PLAAT3: variants seen among roughly 807,000 people sequenced by gnomAD.
PLAAT3 encodes the protein Ca-independent phospholipase A1/2.
Under a neutral mutation model 16.7 loss-of-function variants are expected in PLAAT3, and 21 were observed. That is an observed-to-expected ratio of 1.26 (90% CI 0.89 to 1.81). The LOEUF (loss-of-function observed/expected upper bound fraction) is 1.81, where lower values mean the gene tolerates loss of function less well. Ranked by LOEUF, PLAAT3 falls within the 40% of genes most tolerant of loss-of-function variation. The probability of loss-of-function intolerance (pLI) is 0.00; values close to 1 mark genes in which losing one functional copy is unlikely to be tolerated. For synonymous variants in PLAAT3, 76 were observed against 81.7 expected, an observed-to-expected ratio of 0.93 and a Z score of 0.38; for missense variants, 219 against 213.7, an observed-to-expected ratio of 1.02 and a Z score of -0.16.
In PLAAT3 at chr11:63,614,059, G is replaced by A; in HGVS notation, c.-45C>T. The A allele has an allele frequency of 1.9e-6, 3 of 1,613,480 alleles. No individual in the cohort carries two copies. Among genetic ancestry groups the A allele is most frequent in the Non-Finnish European group, 2.5e-6 (3 of 1,179,576 alleles). ...CCTCAAGGCCAGGCTCGATTTCGCT[G>A]CGTAGATGTCTGAGGCAGGGGGAGC... On this transcript the variant is annotated 5_prime_UTR_variant, in exon 2 of 5. Coordinates refer to ENST00000415826, the MANE Select transcript of PLAAT3 (RefSeq NM_001128203.2).
intron 4 of PLAAT3, among the ~76,000 whole-genome samples, chr11:63,587,664 C>T (rs1938019746): frequency 6.6e-6 from 1 of 151,080 alleles, no homozygotes; most frequent in Non-Finnish European, 1.5e-5. Context: ...AAGCAATTCT[C>T]GTGCCTCAGC....
intron 2 of PLAAT3, among the ~76,000 whole-genome samples, chr11:63,603,747 CACACACAG>C (rs756144305): frequency 0.24 from 17,750 of 74,116 alleles, 1,271 homozygotes; most frequent in Middle Eastern, 0.26. Flanking sequence ...CACACACACA[CACACACAG>C]ACAGAGATAT....
Position 63,614,243 on chromosome 11 carries a change from C to A in PLAAT3, c.-55+142G>T, listed in dbSNP as rs1938773332. On this transcript the variant is annotated intron_variant, in intron 1 of 4. Transcript: ENST00000415826. ...CGGGGCCCGGCGGGCGCCCAGGAGG[C>A]TGCAGGTGCCAGCGGGCGGCTCGGC... The A allele has an allele frequency of 6.7e-6, 4 of 594,056 alleles. No individual in the cohort carries two copies. The South Asian group carries it at 8.1e-5, about 12-fold the overall frequency. The allele number at this position is 594,056 out of a possible 1,614,324, so 36.8% of individuals were successfully genotyped here. A position where few individuals can be genotyped will look rare whatever the true frequency, so the allele number is the denominator to read the frequency against.
intron 4 of PLAAT3, among the ~76,000 whole-genome samples, chr11:63,580,394 G>A (rs1313043178): frequency 1.3e-5 from 2 of 152,208 alleles, no homozygotes; most frequent in African/African-American, 2.4e-5. Flanking sequence ...GGTGGCTCAC[G>A]CCTGTAATCC....
intron 2 of PLAAT3, chr11:63,598,865 T>C: frequency 4.9e-6 from 2 of 407,188 alleles, no homozygotes; most frequent in South Asian, 3.6e-5. Context: ...TGAGTGAGTA[T>C]GTGTGTGAGG....
upstream of PLAAT3, among the ~76,000 whole-genome samples, chr11:63,615,432 A>G (rs543410957): frequency 0.013 from 1,895 of 147,922 alleles, 417 homozygotes; most frequent in African/African-American, 0.046. Context: ...GTGTGTGTGT[A>G]TATACACACC....
intron 3 of PLAAT3, among the ~76,000 whole-genome samples, chr11:63,590,740 C>A (rs894833210): frequency 6.6e-6 from 1 of 152,206 alleles, no homozygotes; most frequent in African/African-American, 2.4e-5. Flanking sequence ...CAGGGCTACA[C>A]CTACTTGACC....
At chr11:63,588,960 G>A (rs1462607896) in intron 4 of PLAAT3, among the ~76,000 whole-genome samples, 1 of 127,828 alleles carries the variant, frequency 7.8e-6, no homozygotes, top group Non-Finnish European at 1.6e-5. Context: ...AGGGGACCAG[G>A]CAATGGATGA....
intron 2 of PLAAT3, among the ~76,000 whole-genome samples, chr11:63,612,802 CTCATGATTACATATATAAGGTTTTTACTG>C (rs1938725470): frequency 1.3e-5 from 2 of 151,936 alleles, no homozygotes; most frequent in Non-Finnish European, 2.9e-5. Context: ...TTTTTTTACT[CTCATGATTACATATATAAGGTTTTTACTG>C]TCATGATTAC....
At chr11:63,600,523 G>C (rs1938397110) in intron 2 of PLAAT3, among the ~76,000 whole-genome samples, 1 of 152,132 alleles carries the variant, frequency 6.6e-6, no homozygotes, top group South Asian at 2.1e-4. Flanking sequence ...ACTAGCAAGA[G>C]GCGTGAGGGA....
chr11:63,582,644 T>A (rs1015975839), intron 4 of PLAAT3, among the ~76,000 whole-genome samples: 5 of 152,130 alleles, frequency 3.3e-5, no homozygotes, highest in Admixed American at 2.6e-4. Context: ...TCATCATGAG[T>A]TCTGGCTGCT....
At chr11:63,615,172 G>GTATATATGTGTATATGTGTA (rs1407082578), upstream of PLAAT3, among the ~76,000 whole-genome samples, 2 of 18,312 alleles carry the variant, frequency 1.1e-4, no homozygotes, top group African/African-American at 2.5e-4. Context: ...ATATATGTGT[G>GTATATATGTGTATATGTGTA]TATATGTGTG....
rs1325969123 is a variant in PLAAT3, at chr11:63,612,939, TAGAG to T, written c.15+1057_15+1060del. On this transcript the variant is annotated intron_variant, in intron 2 of 4. Coordinates refer to ENST00000415826, the MANE Select transcript of PLAAT3 (RefSeq NM_001128203.2). ...TATTGCTAAAAATAATGTTATCAGA[TAGAG>T]AATGATATTAAAAAGTGACCACTCC... Among the ~76,000 whole-genome samples, 4 of 152,266 alleles carry T rather than the reference TAGAG, an allele frequency of 2.6e-5. No homozygotes were observed. In the East Asian group the frequency reaches 7.7e-4, roughly 29 times the overall value.
intron 2 of PLAAT3, among the ~76,000 whole-genome samples, chr11:63,601,544 G>A (rs1938430331): frequency 6.6e-6 from 1 of 152,120 alleles, no homozygotes; most frequent in Admixed American, 6.6e-5. Context: ...GTAAAAGACA[G>A]TGGGCTCACC....
intron 2 of PLAAT3, among the ~76,000 whole-genome samples, chr11:63,605,100 G>A (rs1045300008): frequency 6.6e-6 from 1 of 151,910 alleles, no homozygotes; most frequent in African/African-American, 2.4e-5. Flanking sequence ...ATTTTCAAAC[G>A]TTCAAAATTG....
chr11:63,579,618 C>T (rs1450815699), intron 4 of PLAAT3, among the ~76,000 whole-genome samples: 2 of 150,734 alleles, frequency 1.3e-5, no homozygotes, highest in Non-Finnish European at 2.9e-5. Context: ...CAAACTATCA[C>T]AAGGACAAAA....
chr11:63,615,463 T>G (rs60027303), upstream of PLAAT3, among the ~76,000 whole-genome samples: 74,271 of 80,612 alleles, frequency 0.92, 35,311 homozygotes, highest in East Asian at 1. Context: ...ATTGGCTGTT[T>G]TGAATTAAAG....
intron 3 of PLAAT3, among the ~76,000 whole-genome samples, chr11:63,595,456 G>A (rs533421518): frequency 6.6e-6 from 1 of 152,298 alleles, no homozygotes; most frequent in East Asian, 1.9e-4. Flanking sequence ...CAGCAGCATG[G>A]ATGACTCACA....
intron 3 of PLAAT3, among the ~76,000 whole-genome samples, chr11:63,592,424 C>T (rs1006377789): frequency 6.6e-6 from 1 of 152,214 alleles, no homozygotes; most frequent in African/African-American, 2.4e-5. Context: ...AATCCACCCA[C>T]CTCGGCCTCC....
Sources: allele counts gnomAD v4.1 joint callset (sites outside exome capture counted in the v4.1 genomes callset), GRCh38; gene constraint gnomAD v4.1.1; transcripts MANE v1.5; gene names NCBI Gene and HGNC (gene_info 2026-07-23, HGNC 2026-07-21).